SRBD1: variants seen among roughly 807,000 people sequenced by gnomAD.
The protein encoded by SRBD1 is S1 RNA-binding domain-containing protein 1.
SRBD1 carries 88 observed loss-of-function variants against 115.3 expected under a neutral mutation model. The observed-to-expected ratio is 0.76, with a 90% CI of 0.64 to 0.91. SRBD1 has a LOEUF of 0.91. Ranked by LOEUF, SRBD1 falls within the 40% of genes least tolerant of loss-of-function variation. The pLI is 0.00. For synonymous variants in SRBD1, 509 were observed against 407.7 expected (o/e 1.25, Z -2.99); for missense variants, 1,385 against 1,177.4 (o/e 1.18, Z -2.58).
At chr2:45,452,820 C>T (rs1669034781) in intron 16 of SRBD1, among the ~76,000 whole-genome samples, 1 of 151,822 alleles carries the variant, frequency 6.6e-6, no homozygotes, top group South Asian at 2.1e-4. Context: ...TACCAGTTGT[C>T]ACCCAAAAAT....
rs1669317914 is a variant in SRBD1, at chr2:45,461,542, C to G, written c.2049+15451G>C. Reference sequence around the variant, plus strand: ...TTCTATATACTGCAAACTCGTTAGACAGACAAGTCCCTCTGTCAATCCCAC... The same window carrying G: ...TTCTATATACTGCAAACTCGTTAGAGAGACAAGTCCCTCTGTCAATCCCAC... On this transcript the variant is annotated intron_variant, in intron 16 of 20. Transcript: ENST00000263736. Among the ~76,000 whole-genome samples, 5 of 152,236 alleles carry G rather than the reference C, an allele frequency of 3.3e-5. No individual in the cohort carries two copies. In the South Asian group the frequency reaches 1.0e-3, roughly 32 times the overall value.
chr2:45,491,085 T>C (rs78728229), intron 14 of SRBD1, among the ~76,000 whole-genome samples: 4 of 152,130 alleles, frequency 2.6e-5, no homozygotes, highest in Non-Finnish European at 4.4e-5. Context: ...GGAGTGATGA[T>C]TTTTTTCCAG....
chr2:45,393,106 G>T lies in SRBD1; in HGVS notation c.2537C>A (p.Thr846Lys). 2 of 1,611,118 alleles carry T rather than the reference G, an allele frequency of 1.2e-6. No homozygotes were observed. The highest frequency in any genetic ancestry group is 1.3e-5 in the African/African-American group (1 of 74,872). ...AMRFLSSIGGTLYEVGKPEMQ... is the reference protein window; with the variant it reads ...AMRFLSSIGGKLYEVGKPEMQ... The stretch of plus-strand genomic sequence containing the variant: ...TTCAGGCTTTCCAACCTCATACAGT[G>T]TCCCTCCAATGGATGACAAAAACCT... The change falls in exon 20 of 21, where the codon ACA becomes AAA. Residue 846 changes from threonine (T) to lysine (K), a missense_variant. By Grantham distance (78) the Thr-to-Lys change is moderately conservative (BLOSUM62 -1). Transcript: ENST00000263736.
intron 16 of SRBD1, among the ~76,000 whole-genome samples, chr2:45,440,916 G>T (rs568200377): frequency 2.8e-4 from 43 of 152,166 alleles, no homozygotes; most frequent in African/African-American, 9.9e-4. Flanking sequence ...GGAGACAGAG[G>T]TTGGAGAAAA....
rs1368002397 is a variant in SRBD1 at position 45,546,806 on chromosome 2, G to A, written c.1800C>T (p.Ala600=). 1 of 1,614,072 alleles carries A rather than the reference G, an allele frequency of 6.2e-7. No homozygotes were observed. Among genetic ancestry groups the A allele is most frequent in the Admixed American group, 1.7e-5 (1 of 60,026 alleles). ...CSTVVIGNGT[A]CRETEAYFAD... The stretch of plus-strand genomic sequence containing the variant: ...CAAAGTAAGCTTCTGTTTCCCTGCA[G>A]GCAGTTCCATTTCCAATCACTACTG... Residue 600 remains alanine, a synonymous_variant, in exon 14 of 21, where the codon GCC becomes GCT. Coordinates refer to ENST00000263736, the MANE Select transcript of SRBD1 (RefSeq NM_018079.5).
intron 7 of SRBD1, among the ~76,000 whole-genome samples, chr2:45,579,281 A>C (rs1673272070): frequency 6.6e-6 from 1 of 152,222 alleles, no homozygotes; most frequent in African/African-American, 2.4e-5. Context: ...GAAATTTCAG[A>C]AAAATACACT....
At chr2:45,501,137 A>G (rs1283345268) in intron 14 of SRBD1, among the ~76,000 whole-genome samples, 1 of 152,174 alleles carries the variant, frequency 6.6e-6, no homozygotes, top group Non-Finnish European at 1.5e-5. Context: ...TATTGAAATG[A>G]TCATATGGTT....
intron 19 of SRBD1, among the ~76,000 whole-genome samples, chr2:45,409,516 A>C (rs961400470): frequency 8.0e-5 from 1 of 12,466 alleles, no homozygotes; most frequent in African/African-American, 1.9e-4. Context: ...TGCAATAGGC[A>C]AAAAAAAAAA....
chr2:45,501,858 T>TG (rs1293246524), intron 14 of SRBD1, among the ~76,000 whole-genome samples: 1 of 152,184 alleles, frequency 6.6e-6, no homozygotes, highest in African/African-American at 2.4e-5. Flanking sequence ...ACTCCACCTC[T>TG]GGGGGCAGGG....
At chr2:45,588,782 G>A (rs1185114832) in intron 4 of SRBD1, among the ~76,000 whole-genome samples, 1 of 152,222 alleles carries the variant, frequency 6.6e-6, no homozygotes, top group African/African-American at 2.4e-5. Context: ...GAAATTCAAA[G>A]TTGTAGCCAT....
At chr2:45,445,451 AAATT>A (rs1162244543) in intron 16 of SRBD1, among the ~76,000 whole-genome samples, 2 of 151,190 alleles carry the variant, frequency 1.3e-5, no homozygotes, top group East Asian at 3.9e-4. Flanking sequence ...GAAGGAACCA[AAATT>A]AATTTTAGAG....
chr2:45,563,999 A>G (rs1475079501), intron 9 of SRBD1, among the ~76,000 whole-genome samples: 2 of 152,184 alleles, frequency 1.3e-5, no homozygotes, highest in African/African-American at 4.8e-5. Flanking sequence ...TCACAAGAAA[A>G]CTACAAACCA....
intron 12 of SRBD1, among the ~76,000 whole-genome samples, chr2:45,550,579 A>T (rs536895844): frequency 1.3e-5 from 2 of 152,174 alleles, no homozygotes; most frequent in African/African-American, 4.8e-5. Context: ...ATATTCTTCA[A>T]AAATGAAGGC....
chr2:45,523,797 G>T (rs115326914), intron 14 of SRBD1, among the ~76,000 whole-genome samples: 2 of 151,492 alleles, frequency 1.3e-5, no homozygotes, highest in South Asian at 4.2e-4. Context: ...CAAAAAACAG[G>T]AGGGGAGAAC....
chr2:45,543,635 A>T (rs1672017537), intron 14 of SRBD1, among the ~76,000 whole-genome samples: 1 of 132,804 alleles, frequency 7.5e-6, no homozygotes, highest in South Asian at 2.3e-4. Context: ...GGTTTTCTCA[A>T]ACAGGCACTT....
chr2:45,551,854 A>G (rs542115613), intron 11 of SRBD1, among the ~76,000 whole-genome samples: 6 of 152,324 alleles, frequency 3.9e-5, no homozygotes, highest in Non-Finnish European at 5.9e-5. Context: ...GAAGTATACA[A>G]GCATGAAATT....
chr2:45,473,088 C>T (rs921757361), intron 16 of SRBD1, among the ~76,000 whole-genome samples: 3 of 151,760 alleles, frequency 2.0e-5, no homozygotes, highest in Non-Finnish European at 4.4e-5. Context: ...TTATTCCTAT[C>T]TCCTTATATT....
chr2:45,434,123 G>C (rs924199193), intron 16 of SRBD1, among the ~76,000 whole-genome samples: 1 of 152,212 alleles, frequency 6.6e-6, no homozygotes, highest in Non-Finnish European at 1.5e-5. Context: ...CAGTATTTAA[G>C]CATCAGATTT....
At chr2:45,449,111 T>C (rs924607280) in intron 16 of SRBD1, among the ~76,000 whole-genome samples, 2 of 152,246 alleles carry the variant, frequency 1.3e-5, no homozygotes, top group Admixed American at 6.5e-5. Flanking sequence ...TTAATGTCTT[T>C]TTTATTGAAC....
Sources: allele counts gnomAD v4.1 joint callset (sites outside exome capture counted in the v4.1 genomes callset), GRCh38; gene constraint gnomAD v4.1.1; transcripts MANE v1.5; gene names NCBI Gene and HGNC (gene_info 2026-07-23, HGNC 2026-07-21).